The following ATG4C variants were observed in gnomAD, a reference collection of about 807,000 sequenced individuals.
ATG4C encodes the protein autophagy related 4C cysteine peptidase, also known as cysteine protease ATG4C.
Under a neutral mutation model 57.6 loss-of-function variants are expected in ATG4C, and 56 were observed. The ratio of observed to expected loss-of-function variants is 0.97; its 90% confidence interval spans 0.78 to 1.21. The LOEUF (loss-of-function observed/expected upper bound fraction) is 1.21, where lower values mean the gene tolerates loss of function less well. ATG4C is among the 50% of genes most tolerant of loss of function. The probability of loss-of-function intolerance (pLI) is 0.00; values close to 1 mark genes in which losing one functional copy is unlikely to be tolerated. For synonymous variants in ATG4C, 157 were observed against 174.1 expected, an observed-to-expected ratio of 0.90 and a Z score of 0.78; for missense variants, 595 against 529.8, an observed-to-expected ratio of 1.12 and a Z score of -1.21.
At chr1:62,828,948 C>A in intron 6 of ATG4C, 92 bp from the exon 7 acceptor site, 1 of 1,126,970 alleles carries the variant, frequency 8.9e-7, no homozygotes, top group Non-Finnish European at 1.3e-6. Flanking sequence ...AGCTGGCTGT[C>A]CATTGCGGGG....
intron 9 of ATG4C, among the ~76,000 whole-genome samples, chr1:62,835,822 A>G (rs1439583098): frequency 2.6e-5 from 4 of 152,042 alleles, no homozygotes; most frequent in Non-Finnish European, 4.4e-5. Context: ...AATATTTGCT[A>G]GTTGACTGAT....
intron 7 of ATG4C, among the ~76,000 whole-genome samples, chr1:62,831,561 G>A (rs1665840219): frequency 6.6e-6 from 1 of 151,940 alleles, no homozygotes. Flanking sequence ...ATGTATGTAT[G>A]TATTTTTAAG....
intron 10 of ATG4C, among the ~76,000 whole-genome samples, chr1:62,850,483 A>G (rs1666470680): frequency 6.6e-6 from 1 of 152,068 alleles, no homozygotes; most frequent in Non-Finnish European, 1.5e-5. Flanking sequence ...AACTCTTACA[A>G]ACCCACAAGG....
intron 1 of ATG4C, among the ~76,000 whole-genome samples, chr1:62,797,361 G>A (rs932789910): frequency 1.9e-4 from 29 of 152,078 alleles, no homozygotes; most frequent in African/African-American, 6.8e-4. Context: ...GTCTGTTAGT[G>A]CTGGCTGTGC....
At chr1:62,808,640 T>G (rs1664959445) in intron 3 of ATG4C, among the ~76,000 whole-genome samples, 1 of 152,110 alleles carries the variant, frequency 6.6e-6, no homozygotes, top group Non-Finnish European at 1.5e-5. Context: ...GAAAGACATT[T>G]GTAGAAAAAG....
At chr1:62,853,234 T>G (rs887975899) in intron 10 of ATG4C, among the ~76,000 whole-genome samples, 1 of 152,204 alleles carries the variant, frequency 6.6e-6, no homozygotes, top group Admixed American at 6.5e-5. Context: ...TGAAATTTTT[T>G]TTTTCTCTGA....
chr1:62,858,594 A>G (rs1414027906), intron 10 of ATG4C, among the ~76,000 whole-genome samples: 1 of 152,206 alleles, frequency 6.6e-6, no homozygotes, highest in Non-Finnish European at 1.5e-5. Context: ...AGAATCAATG[A>G]AGGAGGAGAT....
chr1:62,824,459 C>T (rs1665581249), intron 6 of ATG4C, among the ~76,000 whole-genome samples: 1 of 152,092 alleles, frequency 6.6e-6, no homozygotes, highest in Admixed American at 6.5e-5. Context: ...TCCTATTCGG[C>T]TCTTCTGGGA....
At chr1:62,797,944 C>A (rs1312181366) in intron 1 of ATG4C, among the ~76,000 whole-genome samples, 2 of 152,102 alleles carry the variant, frequency 1.3e-5, no homozygotes, top group Non-Finnish European at 2.9e-5. Flanking sequence ...CACAGTCTCC[C>A]AAGTAGCTGA....
chr1:62,843,803 C>G (rs1666244086), intron 10 of ATG4C, among the ~76,000 whole-genome samples: 1 of 152,066 alleles, frequency 6.6e-6, no homozygotes. Flanking sequence ...AACTTCCATC[C>G]TCAAGTAACG....
chr1:62,844,246 A>G lies in ATG4C; in HGVS notation c.1209+2699A>G, dbSNP rs1572161456. Among the ~76,000 whole-genome samples the G allele has an allele frequency of 2.0e-5, 3 of 152,282 alleles. 1 individual carries two copies. In the East Asian group the frequency reaches 5.8e-4, roughly 29 times the overall value. ...ACAGTCTTGTGTGCCAAATTTGAGA[A>G]CCACTTGCATAAGACAGGGCAACCC... On this transcript the variant is annotated intron_variant, in intron 10 of 10. Transcript: ENST00000317868.
intron 9 of ATG4C, among the ~76,000 whole-genome samples, chr1:62,838,631 T>A (rs1232882606): frequency 6.6e-6 from 1 of 151,846 alleles, no homozygotes; most frequent in Non-Finnish European, 1.5e-5. Flanking sequence ...TACAAAAAAA[T>A]TAGCTGGGCG....
intron 1 of ATG4C, among the ~76,000 whole-genome samples, chr1:62,794,627 C>CCTA (rs1452695709): frequency 2.8e-4 from 42 of 152,240 alleles, no homozygotes; most frequent in African/African-American, 9.9e-4. Flanking sequence ...ATCTACCTTG[C>CCTA]CTACCCCTTA....
chr1:62,845,575 C>G lies in ATG4C; in HGVS notation c.1209+4028C>G, dbSNP rs535773298. 4.0e-4 allele frequency among the ~76,000 whole-genome samples: 61 copies of G among 152,110 alleles called. No homozygotes were observed. The East Asian group carries it at 5.0e-3, about 12-fold the overall frequency. ...TTTTAATATAGTCAAATTAATAATA[C>G]TTTTATGGTTTTTGAATTTTGTATC... On this transcript the variant is annotated intron_variant, in intron 10 of 10. Transcript: ENST00000317868.
chr1:62,839,282 C>A (rs1001840831), intron 9 of ATG4C, among the ~76,000 whole-genome samples: 30 of 152,222 alleles, frequency 2.0e-4, no homozygotes, highest in African/African-American at 7.2e-4. Flanking sequence ...GGTTTCAAAC[C>A]TCAGCCCTCA....
chr1:62,828,712 A>AT (rs1665747076), intron 6 of ATG4C, among the ~76,000 whole-genome samples: 1 of 152,150 alleles, frequency 6.6e-6, no homozygotes, highest in South Asian at 2.1e-4. Context: ...TATCTTTGTC[A>AT]TGAAATCTTT....
At chr1:62,794,686 C>A (rs181755567) in intron 1 of ATG4C, among the ~76,000 whole-genome samples, 36 of 152,312 alleles carry the variant, frequency 2.4e-4, no homozygotes, top group Admixed American at 5.9e-4. Flanking sequence ...CTCTCCCCTT[C>A]ATATTTGCCA....
intron 3 of ATG4C, among the ~76,000 whole-genome samples, chr1:62,815,474 C>T (rs1665238570): frequency 6.6e-6 from 1 of 152,128 alleles, no homozygotes; most frequent in African/African-American, 2.4e-5. Flanking sequence ...ATGTTATCCA[C>T]CCCATAGTAA....
At chr1:62,834,732 TA>T in intron 8 of ATG4C, 43 bp from the exon 9 acceptor site, 1 of 1,482,548 alleles carries the variant, frequency 6.7e-7, no homozygotes, top group South Asian at 1.1e-5. Flanking sequence ...AGTGTAATAA[TA>T]AGGTGTTTTT....
Sources: gnomAD v4.1 joint callset for allele counts (sites outside exome capture counted in the v4.1 genomes callset) on GRCh38, gnomAD v4.1.1 for gene constraint, MANE v1.5 for transcripts, NCBI Gene and HGNC (gene_info 2026-07-23, HGNC 2026-07-21) for gene names.